SWT1: variants seen among roughly 807,000 people sequenced by gnomAD.
SWT1 encodes transcriptional protein SWT1.
SWT1 carries 33 observed loss-of-function variants against 107.3 expected under a neutral mutation model. The observed-to-expected ratio is 0.31, with a 90% CI of 0.23 to 0.41. The LOEUF (loss-of-function observed/expected upper bound fraction) is 0.41, where lower values mean the gene tolerates loss of function less well. SWT1 is among the 10% of genes least tolerant of loss of function. The pLI, the probability that SWT1 is intolerant of heterozygous loss-of-function variation, is 1.00. For missense variants in SWT1, 898 were observed against 1,028.9 expected (o/e 0.87, Z 1.74); for synonymous variants, 345 against 348.3 (o/e 0.99, Z 0.11).
At chr1:185,220,588 A>G (rs998745915) in intron 14 of SWT1, among the ~76,000 whole-genome samples, 1 of 152,050 alleles carries the variant, frequency 6.6e-6, no homozygotes, top group Non-Finnish European at 1.5e-5. Flanking sequence ...TCTTAACTGT[A>G]TATTTAAGCT....
intron 16 of SWT1, among the ~76,000 whole-genome samples, chr1:185,242,495 G>T (rs1281850338): frequency 2.0e-5 from 3 of 151,928 alleles, no homozygotes; most frequent in Admixed American, 2.0e-4. Context: ...ACCTTTTAAG[G>T]TAACCTCCGC....
chr1:185,187,223 C>G (rs1035773345), intron 9 of SWT1, among the ~76,000 whole-genome samples: 5 of 151,494 alleles, frequency 3.3e-5, no homozygotes, highest in Non-Finnish European at 7.4e-5. Context: ...CCATACCCAG[C>G]TGATTTTTGT....
chr1:185,235,512 G>T (rs1389935923), intron 16 of SWT1, among the ~76,000 whole-genome samples: 2 of 152,250 alleles, frequency 1.3e-5, no homozygotes, highest in South Asian at 4.2e-4. Flanking sequence ...AAATTCAGCA[G>T]CCCTTCATGC....
At chr1:185,177,380 A>G (rs1219273926) in intron 5 of SWT1, among the ~76,000 whole-genome samples, 1 of 152,158 alleles carries the variant, frequency 6.6e-6, no homozygotes, top group African/African-American at 2.4e-5. Flanking sequence ...TTACTACACA[A>G]ACCAAAAGAG....
At chr1:185,287,543 A>G (rs1365812170) in intron 18 of SWT1, among the ~76,000 whole-genome samples, 1 of 152,204 alleles carries the variant, frequency 6.6e-6, no homozygotes, top group African/African-American at 2.4e-5. Flanking sequence ...TATAGGCCCA[A>G]TATAAAGGAA....
rs1659692374 is a variant in SWT1 at position 185,221,983 on chromosome 1, T to A, written c.2256T>A (p.His752Gln). 4.3e-6 allele frequency: 7 copies of A among 1,612,110 alleles called. No individual in the cohort carries two copies. The highest frequency in any genetic ancestry group is 5.1e-6 in the Non-Finnish European group (6 of 1,179,252). Residue 752 changes from histidine (H) to glutamine (Q), a missense_variant, in exon 15 of 19, where the codon CAT (histidine) becomes CAA (glutamine). Coordinates refer to ENST00000367500, the MANE Select transcript of SWT1 (RefSeq NM_017673.7). ...SSSHLPQPSR[H>Q]QEIWSILESV... ...CTCATCTTCCCCAACCCAGCAGGCA[T>A]CAAGAAATCTGGTCTATCCTAGAGA...
At chr1:185,186,830 C>T (rs1656512560) in intron 9 of SWT1, among the ~76,000 whole-genome samples, 1 of 151,724 alleles carries the variant, frequency 6.6e-6, no homozygotes, top group South Asian at 2.1e-4. Flanking sequence ...TCTCAGCTCA[C>T]TGCAACCTCC....
chr1:185,189,294 T>G (rs1320949305), intron 9 of SWT1, among the ~76,000 whole-genome samples: 1 of 152,140 alleles, frequency 6.6e-6, no homozygotes, highest in Non-Finnish European at 1.5e-5. Flanking sequence ...TGCATTAATT[T>G]TATAAAAACT....
chr1:185,203,602 CA>C (rs1658064151), intron 11 of SWT1, among the ~76,000 whole-genome samples: 1 of 140,626 alleles, frequency 7.1e-6, no homozygotes, highest in African/African-American at 2.6e-5. Flanking sequence ...GCCTGGGCAA[CA>C]AGAGCAAAAC....
Position 185,217,749 on chromosome 1 carries a change from C to G in SWT1, c.2121+3094C>G, listed in dbSNP as rs568640908. On this transcript the variant is annotated intron_variant, in intron 14 of 18. Transcript: ENST00000367500. ...TAGCTGGGATTACAGGCACGTCCTACCACACCTGGCTAATTTTTGTATTTT... is the reference window on the plus strand; with the variant it reads ...TAGCTGGGATTACAGGCACGTCCTAGCACACCTGGCTAATTTTTGTATTTT... Among the ~76,000 whole-genome samples, 10 of 152,230 alleles carry G rather than the reference C, an allele frequency of 6.6e-5. No individual in the cohort carries two copies. In the South Asian group the frequency reaches 2.1e-3, roughly 32 times the overall value.
intron 16 of SWT1, among the ~76,000 whole-genome samples, chr1:185,256,186 C>T (rs1034948757): frequency 5.5e-4 from 84 of 151,746 alleles, no homozygotes; most frequent in Middle Eastern, 3.4e-3. Context: ...GTGGGTAACC[C>T]GACCTTTCTC....
At chr1:185,233,969 C>A (rs192789449) in intron 16 of SWT1, among the ~76,000 whole-genome samples, 33 of 152,274 alleles carry the variant, frequency 2.2e-4, no homozygotes, top group Admixed American at 2.2e-3. Flanking sequence ...TGGTCTCGAT[C>A]TCCTGACCTC....
intron 12 of SWT1, among the ~76,000 whole-genome samples, chr1:185,205,812 G>A (rs191053424): frequency 3.0e-4 from 46 of 152,226 alleles, no homozygotes; most frequent in Middle Eastern, 3.4e-3. Context: ...GAAGATACTA[G>A]GAGTGTTGAT....
At chr1:185,262,779 CTTCT>C (rs1009507346) in intron 16 of SWT1, among the ~76,000 whole-genome samples, 3 of 149,470 alleles carry the variant, frequency 2.0e-5, no homozygotes, top group East Asian at 3.9e-4. Flanking sequence ...GTCCAAATTT[CTTCT>C]TTCTTTTTTT....
At chr1:185,220,224 GTC>G (rs1659547091) in intron 14 of SWT1, among the ~76,000 whole-genome samples, 1 of 106,938 alleles carries the variant, frequency 9.4e-6, no homozygotes, top group Admixed American at 9.3e-5. Context: ...TTATTTTCTT[GTC>G]TCTTTTTCTT....
intron 9 of SWT1, 77 bp downstream of exon 9, chr1:185,185,008 C>A: frequency 1.9e-6 from 2 of 1,055,234 alleles, no homozygotes; most frequent in Non-Finnish European, 2.6e-6. Context: ...GGAAATGGTG[C>A]AAAACTTTTA....
chr1:185,160,195 G>A (rs1254546910), intron 1 of SWT1, among the ~76,000 whole-genome samples: 1 of 152,192 alleles, frequency 6.6e-6, no homozygotes, highest in Non-Finnish European at 1.5e-5. Flanking sequence ...AATTGGCTTT[G>A]AAGTGTGGGT....
At chr1:185,232,546 A>G (rs1265225633) in intron 16 of SWT1, among the ~76,000 whole-genome samples, 2 of 152,216 alleles carry the variant, frequency 1.3e-5, no homozygotes, top group African/African-American at 4.8e-5. Flanking sequence ...CTTGCAATCA[A>G]AAGGTATTAG....
chr1:185,231,431 C>A (rs1660498420), intron 15 of SWT1, 146 bp from the exon 16 acceptor site: 2 of 654,924 alleles, frequency 3.1e-6, no homozygotes, highest in Non-Finnish European at 5.2e-6. Context: ...ATTTTACTAT[C>A]TTTTATTTCT....
Sources: gnomAD v4.1 joint callset for allele counts (sites outside exome capture counted in the v4.1 genomes callset) on GRCh38, gnomAD v4.1.1 for gene constraint, MANE v1.5 for transcripts, NCBI Gene and HGNC (gene_info 2026-07-23, HGNC 2026-07-21) for gene names.